The following ARB2A variants were observed in gnomAD, a reference collection of about 807,000 sequenced individuals.
The protein encoded by ARB2A is cotranscriptional regulator ARB2A.
the ARB2A span, among the ~76,000 whole-genome samples, chr5:94,109,651 T>G: frequency 6.6e-6 from 1 of 152,320 alleles, no homozygotes; most frequent in East Asian, 1.9e-4. Flanking sequence ...TAAGTACTGC[T>G]ACCTCCATGC....
chr5:93,872,796 A>C, the ARB2A span, among the ~76,000 whole-genome samples: 4 of 152,254 alleles, frequency 2.6e-5, no homozygotes, highest in East Asian at 7.7e-4. Flanking sequence ...AGGTGCCTGT[A>C]GTCCCAGCTA....
the ARB2A span, among the ~76,000 whole-genome samples, chr5:93,959,415 C>T: frequency 1.3e-5 from 2 of 151,732 alleles, no homozygotes; most frequent in Non-Finnish European, 2.9e-5. Flanking sequence ...AATAAGTTGC[C>T]CACGGTCACA....
At chr5:93,755,264 A>G in the ARB2A span, among the ~76,000 whole-genome samples, 23 of 152,222 alleles carry the variant, frequency 1.5e-4, no homozygotes, top group Non-Finnish European at 2.6e-4. Flanking sequence ...TAAAATAAAT[A>G]TAGATCCTAT....
chr5:93,650,381 T>G, the ARB2A span, among the ~76,000 whole-genome samples: 1 of 152,126 alleles, frequency 6.6e-6, no homozygotes, highest in Non-Finnish European at 1.5e-5. Context: ...AAAAATTCAC[T>G]GGATGGACTT....
the ARB2A span, among the ~76,000 whole-genome samples, chr5:93,933,893 C>T: frequency 2.0e-4 from 30 of 152,110 alleles, no homozygotes; most frequent in African/African-American, 6.3e-4. Flanking sequence ...GTAGTCCCAG[C>T]TCCTCAGGAG....
the ARB2A span, among the ~76,000 whole-genome samples, chr5:93,966,425 T>G: frequency 6.6e-6 from 1 of 152,128 alleles, no homozygotes; most frequent in African/African-American, 2.4e-5. Context: ...ATCCTCAAGG[T>G]TTATACTACA....
the ARB2A span, among the ~76,000 whole-genome samples, chr5:93,853,052 T>G: frequency 6.6e-6 from 1 of 152,214 alleles, no homozygotes; most frequent in Non-Finnish European, 1.5e-5. Context: ...TTGGGCAGTA[T>G]GGCCATTTTC....
At chr5:93,666,304 T>C in the ARB2A span, among the ~76,000 whole-genome samples, 2 of 152,156 alleles carry the variant, frequency 1.3e-5, no homozygotes, top group African/African-American at 4.8e-5. Context: ...ATATGGAAGG[T>C]GTATTGCCCA....
chr5:94,101,744 G>A, the ARB2A span, among the ~76,000 whole-genome samples: 1 of 152,084 alleles, frequency 6.6e-6, no homozygotes, highest in African/African-American at 2.4e-5. Flanking sequence ...CAAATGATGA[G>A]AACTCATGAA....
the ARB2A span, among the ~76,000 whole-genome samples, chr5:94,023,735 C>A: frequency 2.0e-5 from 3 of 152,214 alleles, no homozygotes; most frequent in East Asian, 5.8e-4. Flanking sequence ...GAAGAATTTC[C>A]AGAAACTGCT....
At chr5:93,728,181 T>G in the ARB2A span, among the ~76,000 whole-genome samples, 19 of 152,258 alleles carry the variant, frequency 1.2e-4, no homozygotes, top group South Asian at 1.0e-3. Flanking sequence ...TTGGTTTTTT[T>G]TTGTTGTTGT....
At chr5:93,676,905 G>A in the ARB2A span, among the ~76,000 whole-genome samples, 1,184 of 151,526 alleles carry the variant, frequency 7.8e-3, 5 homozygotes, top group Admixed American at 0.012. Flanking sequence ...AAGCAGTATG[G>A]GTTCTCAATT....
the ARB2A span, among the ~76,000 whole-genome samples, chr5:94,072,608 T>C: frequency 6.6e-6 from 1 of 151,890 alleles, no homozygotes; most frequent in African/African-American, 2.4e-5. Flanking sequence ...AGGGCGGTGG[T>C]AAATAAAAAC....
At chr5:93,788,483 T>C in the ARB2A span, among the ~76,000 whole-genome samples, 19 of 152,154 alleles carry the variant, frequency 1.2e-4, no homozygotes, top group Non-Finnish European at 2.8e-4. Context: ...GCACCATGCT[T>C]TCTCTAAGGT....
At chr5:93,775,265 T>A in the ARB2A span, among the ~76,000 whole-genome samples, 10 of 152,300 alleles carry the variant, frequency 6.6e-5, no homozygotes, top group East Asian at 1.9e-3. Context: ...TATGTACACA[T>A]ATTTTCAACT....
chr5:93,861,478 T>C, the ARB2A span: 2 of 152,232 alleles, frequency 1.3e-5, no homozygotes, highest in Non-Finnish European at 2.9e-5. Context: ...TCCTTTATCA[T>C]TGTTATCACT....
At chr5:93,769,064 G>A in the ARB2A span, among the ~76,000 whole-genome samples, 23 of 151,772 alleles carry the variant, frequency 1.5e-4, no homozygotes, top group East Asian at 4.4e-3. Context: ...ATATATAAAC[G>A]GGTAAGTAAC....
At chr5:94,084,274 C>CAAAAAAAAAAA in the ARB2A span, among the ~76,000 whole-genome samples, 29 of 72,994 alleles carry the variant, frequency 4.0e-4, no homozygotes, top group African/African-American at 6.2e-4. Flanking sequence ...AACTTCATCT[C>CAAAAAAAAAAA]AAAAAAAAAA....
At chr5:94,061,766 T>G in the ARB2A span, among the ~76,000 whole-genome samples, 2 of 152,064 alleles carry the variant, frequency 1.3e-5, no homozygotes, top group African/African-American at 2.4e-5. Context: ...ATGCTGAAAA[T>G]TACAGAGTGC....
Sources: gnomAD v4.1 joint callset for allele counts (sites outside exome capture counted in the v4.1 genomes callset) on GRCh38, gnomAD v4.1.1 for gene constraint, MANE v1.5 for transcripts, NCBI Gene and HGNC (gene_info 2026-07-23, HGNC 2026-07-21) for gene names.